The following VPS13B variants were observed in gnomAD, a reference collection of about 807,000 sequenced individuals.
VPS13B encodes vacuolar protein sorting 13 homolog B.
VPS13B carries 285 observed loss-of-function variants against 426.4 expected under a neutral mutation model. The ratio of observed to expected loss-of-function variants is 0.67; its 90% CI spans 0.61 to 0.74. The LOEUF is 0.74. VPS13B is among the 30% of genes least tolerant of loss of function. The pLI, the probability that VPS13B is intolerant of heterozygous loss-of-function variation, is 0.00. For synonymous variants in VPS13B, 1,676 were observed against 1,676.4 expected (o/e 1.00, Z 0.01); for missense variants, 4,537 against 4,782.6 (o/e 0.95, Z 1.51).
At chr8:99,360,147 TTTC>T (rs1812434356) in intron 19 of VPS13B, among the ~76,000 whole-genome samples, 1 of 32,338 alleles carries the variant, frequency 3.1e-5, no homozygotes, top group Non-Finnish European at 5.7e-5. Context: ...TCTTTCTTTC[TTTC>T]TTTCTTTCTT....
intron 17 of VPS13B, chr8:99,209,788 G>A: frequency 4.5e-6 from 4 of 890,316 alleles, no homozygotes; most frequent in Non-Finnish European, 5.4e-6. Flanking sequence ...CTTTATACAA[G>A]GAAGTCTCAA....
In VPS13B at chr8:99,699,817, T is replaced by C. The variant is rs747262961; in HGVS notation, c.6339T>C (p.Thr2113=). 3.7e-6 allele frequency: 6 copies of C among 1,613,912 alleles called. No homozygotes were observed. The highest frequency in any genetic ancestry group is 3.3e-5 in the Admixed American group (2 of 59,982). The change falls in exon 36 of 62, where the codon ACT becomes ACC. Residue 2113 remains threonine, a synonymous_variant. Transcript: ENST00000357162. The part of the protein sequence containing the change: ...VSCFQKISVQ[T]TQIVISMETV... ...GCTTTCAAAAAATTTCTGTTCAAAC[T>C]ACTCAGATTGTGATCTCCATGGAAA...
chr8:99,556,835 C>T (rs556524063), intron 31 of VPS13B, among the ~76,000 whole-genome samples, 182 bp downstream of exon 31: 1 of 152,014 alleles, frequency 6.6e-6, no homozygotes, highest in South Asian at 2.1e-4. Context: ...CCTGCTAGTC[C>T]TACCAGTGTT....
chr8:99,284,508 T>G (rs1422953029), intron 19 of VPS13B, among the ~76,000 whole-genome samples: 3 of 152,274 alleles, frequency 2.0e-5, no homozygotes, highest in Non-Finnish European at 4.4e-5. Context: ...GCTTCATCCA[T>G]TATAAATTAT....
chr8:99,561,406 C>T lies in VPS13B; in HGVS notation c.4949+4753C>T, dbSNP rs576248053. On this transcript the variant is annotated intron_variant, in intron 31 of 61. Coordinates refer to ENST00000357162, the MANE Select transcript of VPS13B (RefSeq NM_152564.5). Reference sequence around the variant, plus strand: ...ATCAGTATTTCAATCTTTTTATAGCCGAATAATATTCCACTGTGTGTATGT... The same window carrying T: ...ATCAGTATTTCAATCTTTTTATAGCTGAATAATATTCCACTGTGTGTATGT... Among the ~76,000 whole-genome samples the T allele has an allele frequency of 2.3e-4, 35 of 152,064 alleles. 1 individual carries two copies. Among genetic ancestry groups the T allele is most frequent in the Non-Finnish European group, 3.8e-4 (26 of 67,986 alleles).
intron 21 of VPS13B, among the ~76,000 whole-genome samples, chr8:99,423,056 G>C (rs1205585594): frequency 6.6e-6 from 1 of 152,064 alleles, no homozygotes; most frequent in Non-Finnish European, 1.5e-5. Flanking sequence ...CAAATTAGCT[G>C]TTTCTTTTTT....
intron 56 of VPS13B, among the ~76,000 whole-genome samples, chr8:99,854,831 T>C (rs571196539): frequency 1.3e-5 from 2 of 151,046 alleles, no homozygotes; most frequent in Non-Finnish European, 2.9e-5. Context: ...AGTGCTGCAC[T>C]GCCTGTCTAT....
intron 23 of VPS13B, among the ~76,000 whole-genome samples, chr8:99,463,942 A>T (rs1818967884): frequency 6.6e-6 from 1 of 152,094 alleles, no homozygotes; most frequent in Non-Finnish European, 1.5e-5. Context: ...TGATCTGCCC[A>T]CTTCGGCCTC....
intron 55 of VPS13B, among the ~76,000 whole-genome samples, chr8:99,852,030 A>G (rs534599386): frequency 3.3e-5 from 5 of 152,306 alleles, no homozygotes; most frequent in Non-Finnish European, 7.4e-5. Flanking sequence ...AGAAAGAGTC[A>G]GATTCTGGAT....
At chr8:99,140,443 AAATG>A (rs1447249400) in intron 12 of VPS13B, among the ~76,000 whole-genome samples, 7 of 151,978 alleles carry the variant, frequency 4.6e-5, no homozygotes, top group Non-Finnish European at 7.4e-5. Context: ...TTCTTGTAAT[AAATG>A]ATAAAATAGT....
chr8:99,135,943 C>A (rs1265685696), intron 11 of VPS13B, among the ~76,000 whole-genome samples: 1 of 151,954 alleles, frequency 6.6e-6, no homozygotes, highest in Non-Finnish European at 1.5e-5. Context: ...ACATATTTTG[C>A]TTATTTATGC....
intron 17 of VPS13B, among the ~76,000 whole-genome samples, chr8:99,251,151 A>G (rs1026750768): frequency 6.6e-6 from 1 of 152,060 alleles, no homozygotes; most frequent in Non-Finnish European, 1.5e-5. Context: ...TCCCATCTGT[A>G]TACCTTTTAT....
At chr8:99,343,630 A>C (rs892131140) in intron 19 of VPS13B, among the ~76,000 whole-genome samples, 1 of 152,212 alleles carries the variant, frequency 6.6e-6, no homozygotes, top group East Asian at 1.9e-4. Flanking sequence ...AATTAGTAGC[A>C]TTTCTGTACA....
intron 19 of VPS13B, among the ~76,000 whole-genome samples, chr8:99,309,189 G>C (rs541607050): frequency 1.6e-4 from 24 of 152,274 alleles, no homozygotes; most frequent in Non-Finnish European, 3.2e-4. Context: ...AGTTTAGTTA[G>C]ATCCCATTTG....
chr8:99,737,903 G>A (rs534092808), intron 39 of VPS13B, among the ~76,000 whole-genome samples: 4 of 152,300 alleles, frequency 2.6e-5, no homozygotes, highest in African/African-American at 9.6e-5. Context: ...TGGAATGGTT[G>A]CTTATTCAAT....
chr8:99,088,715 A>T (rs867376739), intron 3 of VPS13B, among the ~76,000 whole-genome samples: 6 of 152,160 alleles, frequency 3.9e-5, no homozygotes, highest in Middle Eastern at 3.2e-3. Flanking sequence ...TTATTCTCCC[A>T]TTCATAAGTT....
intron 23 of VPS13B, among the ~76,000 whole-genome samples, chr8:99,457,935 C>CT: frequency 6.6e-6 from 1 of 151,768 alleles, no homozygotes. Flanking sequence ...TATATATATA[C>CT]TTTAAGTTTT....
chr8:99,145,130 C>T (rs1426117266), intron 13 of VPS13B, among the ~76,000 whole-genome samples: 2 of 152,134 alleles, frequency 1.3e-5, no homozygotes, highest in African/African-American at 4.8e-5. Context: ...TAGAGGTAGA[C>T]ATCAATCACC....
intron 20 of VPS13B, among the ~76,000 whole-genome samples, chr8:99,387,413 G>T (rs890285265): frequency 1.3e-5 from 2 of 151,784 alleles, no homozygotes; most frequent in African/African-American, 4.8e-5. Flanking sequence ...TGTAGAGGTG[G>T]TGTCTCACTA....
Sources: allele counts gnomAD v4.1 joint callset (sites outside exome capture counted in the v4.1 genomes callset), GRCh38; gene constraint gnomAD v4.1.1; transcripts MANE v1.5; gene names NCBI Gene and HGNC (gene_info 2026-07-23, HGNC 2026-07-21).